The following COG8 variants were observed in gnomAD, a reference collection of about 807,000 sequenced individuals.
COG8 encodes the protein component of oligomeric golgi complex 8, also known as conserved oligomeric Golgi complex subunit 8.
A neutral mutation model predicts 46.5 loss-of-function variants in COG8; 45 were observed. The ratio of observed to expected loss-of-function variants is 0.97; its 90% CI spans 0.76 to 1.24. The LOEUF (loss-of-function observed/expected upper bound fraction) is 1.24, where lower values mean the gene tolerates loss of function less well. COG8 is among the 50% of genes most tolerant of loss of function. The pLI, the probability that COG8 is intolerant of heterozygous loss-of-function variation, is 0.00. For missense variants in COG8, 793 were observed against 820.8 expected (o/e 0.97, Z 0.41); for synonymous variants, 407 against 347.8 (o/e 1.17, Z -1.90).
At chr16:69,338,847 G>A (rs1298182055) in intron 1 of COG8, among the ~76,000 whole-genome samples, 2 of 152,176 alleles carry the variant, frequency 1.3e-5, no homozygotes, top group Non-Finnish European at 2.9e-5. Flanking sequence ...AAAATTAGCT[G>A]GGCGTGGTGG....
rs760557680 is a variant in COG8 at position 69,334,629 on chromosome 16, G to A, written c.1305C>T (p.Leu435=). The A allele has an allele frequency of 2.9e-5, 47 of 1,614,074 alleles. No homozygotes were observed. The Middle Eastern group carries it at 1.2e-3, about 40-fold the overall frequency. ...PPMVLLDFPP[L]ACFLNNILVA... is the part of the protein sequence containing the mutation. ...CCAGAATATTGTTGAGAAAGCAGGC[G>A]AGGGGTGGGAAATCTAGGAGCACCA... The change falls in exon 3 of 6, where the codon CTC becomes CTT. Residue 435 remains leucine (L), a synonymous_variant. Transcript: ENST00000306875.
intron 5 of COG8, 66 bp downstream of exon 5, chr16:69,330,747 C>A: frequency 7.0e-7 from 1 of 1,437,848 alleles, no homozygotes; most frequent in Non-Finnish European, 9.1e-7. Context: ...TCCCGCCTCC[C>A]GAACCCGCCC....
rs1199741138 is a variant in COG8, at chr16:69,329,146, T to C, written c.*60A>G. On this transcript the variant is annotated 3_prime_UTR_variant, in exon 6 of 6. Transcript: ENST00000306875. ...GATGCGGGCTGCCCACCCGCTCGCC[T>C]GCCACACCACCTGTTCTCCATTGGG... 3 of 1,608,526 alleles carry C rather than the reference T, an allele frequency of 1.9e-6. No individual in the cohort carries two copies. The highest frequency in any genetic ancestry group is 2.7e-5 in the African/African-American group (2 of 74,908).
chr16:69,335,025 G>A lies in COG8; in HGVS notation c.909C>T (p.Ala303=), dbSNP rs764481339. Residue 303 remains alanine (A), a synonymous_variant, in exon 3 of 6, where the codon GCC becomes GCT. Transcript: ENST00000306875. ...FSDEDPLLPP[A]MGEHTVNESA... is the part of the protein sequence containing the mutation. ...TCTCATTCACAGTGTGCTCACCCATGGCAGGGGGCAGCAGTGGGTCCTCGT... is the reference window on the plus strand; with the variant it reads ...TCTCATTCACAGTGTGCTCACCCATAGCAGGGGGCAGCAGTGGGTCCTCGT... 1 of 1,614,188 alleles carries A rather than the reference G, an allele frequency of 6.2e-7. No individual in the cohort carries two copies. The highest frequency in any genetic ancestry group is 8.5e-7 in the Non-Finnish European group (1 of 1,180,028).
In COG8 at chr16:69,328,463, A is replaced by G. The variant is rs1965669967; in HGVS notation, c.*743T>C. 2 of 153,750 alleles carry G rather than the reference A, an allele frequency of 1.3e-5. No individual in the cohort carries two copies. The highest frequency in any genetic ancestry group is 2.9e-5 in the Non-Finnish European group (2 of 69,176). 9.5% of individuals were successfully genotyped at this position (153,750 alleles called of 1,614,324 possible). ...AGCTGCTCTAGGGATCTCAGCAGCA[A>G]AATCCTGCCCAAGGCTGTTAAAATG... On this transcript the variant is annotated 3_prime_UTR_variant, in exon 6 of 6. Transcript: ENST00000306875.
In COG8 at chr16:69,339,320, T is replaced by G. The variant is rs1172543510; in HGVS notation, c.233A>C (p.Gln78Pro). The G allele has an allele frequency of 1.2e-6, 2 of 1,609,968 alleles. No homozygotes were observed. Among genetic ancestry groups the G allele is most frequent in the African/African-American group, 1.3e-5 (1 of 74,892 alleles). Reference protein sequence around the residue: ...LAEERAQLLQQTRDLAFANYK... With the variant: ...LAEERAQLLQPTRDLAFANYK... ...GTTAGCGAAGGCCAAGTCGCGCGTC[T>G]GCTGCAGCAGCTGCGCCCGCTCCTC... is the stretch of plus-strand genomic sequence containing the variant. Residue 78 changes from glutamine (Q) to proline (P), a missense_variant, in exon 1 of 6, where the codon CAG becomes CCG. Coordinates refer to ENST00000306875, the MANE Select transcript of COG8 (RefSeq NM_032382.5).
intron 5 of COG8, 147 bp downstream of exon 5, chr16:69,330,666 C>A: frequency 2.1e-6 from 3 of 1,398,766 alleles, no homozygotes; most frequent in Non-Finnish European, 2.8e-6. Context: ...GAAGCCGCGA[C>A]TGGATCCCCG....
Position 69,332,861 on chromosome 16 carries a change from A to G in COG8, c.1435T>C (p.Phe479Leu). ...LAKVTKIILAFHRAEEAAFSS... is the reference protein window; with the variant it reads ...LAKVTKIILALHRAEEAAFSS... ...AAGGCAGCCTCTTCAGCGCGATGGA[A>G]GGCCAGGATTATTTTAGTTACCTAA... Residue 479 changes from phenylalanine to leucine, a missense_variant, in exon 4 of 6, where the codon TTC becomes CTC. By Grantham distance (22) the Phe-to-Leu change is conservative. Coordinates refer to ENST00000306875, the MANE Select transcript of COG8 (RefSeq NM_032382.5). 6.2e-7 allele frequency: 1 copy of G among 1,614,226 alleles called. No homozygotes were observed. The highest frequency in any genetic ancestry group is 1.1e-5 in the South Asian group (1 of 91,086).
Position 69,328,841 on chromosome 16 carries a change from G to A in COG8, c.*365C>T. ...TCAAGTTGTAGCCAACATTTTGTCC[G>A]TAACTGATTTCAGGGCAAACATTTC... On this transcript the variant is annotated 3_prime_UTR_variant, in exon 6 of 6. Coordinates refer to ENST00000306875, the MANE Select transcript of COG8 (RefSeq NM_032382.5). The A allele has an allele frequency of 3.8e-6, 3 of 790,940 alleles. No individual in the cohort carries two copies. Among genetic ancestry groups the A allele is most frequent in the South Asian group, 1.9e-5 (1 of 52,092 alleles). 49.0% of individuals were successfully genotyped at this position (790,940 alleles called of 1,614,324 possible).
chr16:69,328,982 C>CAAG lies in COG8; in HGVS notation c.*223_*224insCTT. The CAAG allele has an allele frequency of 1.3e-6, 2 of 1,585,132 alleles. No homozygotes were observed. The highest frequency in any genetic ancestry group is 1.7e-6 in the Non-Finnish European group (2 of 1,172,216). Reference sequence around the variant, plus strand: ...GCCCAGCTCAAAGTGAAAGTGTTTGCGTCTTGGTATCCGGAATCCTCAGCC... The same window carrying CAAG: ...GCCCAGCTCAAAGTGAAAGTGTTTGCAAGGTCTTGGTATCCGGAATCCTCAGCC... On this transcript the variant is annotated 3_prime_UTR_variant, in exon 6 of 6. Transcript: ENST00000306875.
chr16:69,329,979 G>T, intron 5 of COG8: 1 of 1,511,608 alleles, frequency 6.6e-7, no homozygotes. Context: ...CAGCAGCCCC[G>T]GTCCCCGCCG....
At position 69,328,965 on chromosome 16, in the gene COG8, CA is replaced by C. The variant is rs1965688671; in HGVS notation, c.*240del. ...GATGCCAAGTAAGATTTGCCCAGCT[CA>C]AAGTGAAAGTGTTTGCGTCTTGGTA... On this transcript the variant is annotated 3_prime_UTR_variant, in exon 6 of 6. Transcript: ENST00000306875. 1 of 1,569,668 alleles carries C rather than the reference CA, an allele frequency of 6.4e-7. No individual in the cohort carries two copies. Among genetic ancestry groups the C allele is most frequent in the East Asian group, 2.4e-5 (1 of 42,072 alleles).
At chr16:69,329,269 C>T in intron 5 of COG8, 90 bp from the exon 6 acceptor site, 1 of 1,367,414 alleles carries the variant, frequency 7.3e-7, no homozygotes, top group Admixed American at 3.3e-5. Flanking sequence ...CCTGGCTGTT[C>T]CCATTGACAA....
intron 5 of COG8, chr16:69,330,425 C>T: frequency 1.4e-6 from 2 of 1,476,624 alleles, no homozygotes; most frequent in Non-Finnish European, 1.8e-6. Flanking sequence ...CAGGTGGCGC[C>T]AATAGGAGCG....
Position 69,339,471 on chromosome 16 carries a change from C to T in COG8, c.82G>A (p.Ala28Thr), listed in dbSNP as rs765143664. The T allele has an allele frequency of 1.9e-6, 3 of 1,602,416 alleles. No homozygotes were observed. Among genetic ancestry groups the T allele is most frequent in the Non-Finnish European group, 2.5e-6 (3 of 1,179,084 alleles). Residue 28 changes from alanine (A) to threonine (T), a missense_variant, in exon 1 of 6, where the codon GCG becomes ACG. Ala to Thr is a moderately conservative substitution (Grantham distance 58). Coordinates refer to ENST00000306875, the MANE Select transcript of COG8 (RefSeq NM_032382.5). ...GGGAAGCGGTCCCGGAACAGCGACG[C>T]CAGGAGCCCTTCATCCTCCACCTCG... is the stretch of plus-strand genomic sequence containing the variant. ...LGEVEDEGLL[A>T]SLFRDRFPEA...
Position 69,328,952 on chromosome 16 carries a change from G to A in COG8, c.*254C>T. 1 of 1,554,538 alleles carries A rather than the reference G, an allele frequency of 6.4e-7. No individual in the cohort carries two copies. The highest frequency in any genetic ancestry group is 1.2e-5 in the South Asian group (1 of 83,400). Reference sequence around the variant, plus strand: ...AGCCATCCAAGTTGATGCCAAGTAAGATTTGCCCAGCTCAAAGTGAAAGTG... The same window carrying A: ...AGCCATCCAAGTTGATGCCAAGTAAAATTTGCCCAGCTCAAAGTGAAAGTG... On this transcript the variant is annotated 3_prime_UTR_variant, in exon 6 of 6. Coordinates refer to ENST00000306875, the MANE Select transcript of COG8 (RefSeq NM_032382.5).
intron 4 of COG8, 91 bp downstream of exon 4, chr16:69,332,623 C>CTTT (rs1368045398): frequency 8.1e-7 from 1 of 1,240,386 alleles, no homozygotes; most frequent in African/African-American, 1.5e-5. Flanking sequence ...TTCATATTTA[C>CTTT]TAAAAAACAC....
rs757840448 is a variant in COG8 at position 69,334,524 on chromosome 16, G to C, written c.1410C>G (p.Ala470=). Residue 470 remains alanine, a synonymous_variant, in exon 3 of 6, where the codon GCC becomes GCG. Coordinates refer to ENST00000306875, the MANE Select transcript of COG8 (RefSeq NM_032382.5). ...AAAACCAACAGAATGTGCTCACCTT[G>C]GCAAGGGCATCTTCCAAGGCCCCAG... ...DVTGALEDAL[A]KVTKIILAFH... is the part of the protein sequence containing the mutation. The C allele has an allele frequency of 4.3e-6, 7 of 1,613,774 alleles. No homozygotes were observed. The Admixed American group carries it at 1.0e-4, about 23-fold the overall frequency.
Position 69,334,987 on chromosome 16 carries a change from T to C in COG8, c.947A>G (p.His316Arg). The change falls in exon 3 of 6, where the codon CAT (histidine) becomes CGT (arginine). Residue 316 changes from histidine (H) to arginine (R), a missense_variant. His to Arg is a conservative substitution (Grantham distance 29, BLOSUM62 0). Transcript: ENST00000306875. ...TGAGACCTTCTGTAGCACCCAGCCA[T>C]GGAAGATGGCACTCTCATTCACAGT... ...EHTVNESAIF[H>R]GWVLQKVSQF... 1.2e-6 allele frequency: 2 copies of C among 1,614,132 alleles called. No individual in the cohort carries two copies. Among genetic ancestry groups the C allele is most frequent in the Non-Finnish European group, 1.7e-6 (2 of 1,180,034 alleles).
Sources: gnomAD v4.1 joint callset for allele counts (sites outside exome capture counted in the v4.1 genomes callset) on GRCh38, gnomAD v4.1.1 for gene constraint, MANE v1.5 for transcripts, NCBI Gene and HGNC (gene_info 2026-07-23, HGNC 2026-07-21) for gene names.